The following RHPN1 variants were observed in gnomAD, a reference collection of about 807,000 sequenced individuals.
RHPN1 encodes the protein rhophilin Rho GTPase binding protein 1.
A neutral mutation model predicts 74.7 loss-of-function variants in RHPN1; 77 were observed. The ratio of observed to expected loss-of-function variants is 1.03; its 90% CI spans 0.86 to 1.25. The LOEUF (loss-of-function observed/expected upper bound fraction) is 1.25. Ranked by LOEUF, RHPN1 falls within the 50% of genes most tolerant of loss-of-function variation. The probability of loss-of-function intolerance (pLI) is 0.00; values close to 1 mark genes in which losing one functional copy is unlikely to be tolerated. For synonymous variants in RHPN1, 444 were observed against 414.5 expected, an observed-to-expected ratio of 1.07 and a Z score of -0.87; for missense variants, 987 against 932.2, an observed-to-expected ratio of 1.06 and a Z score of -0.77.
Position 143,382,737 on chromosome 8 carries a change from C to A in RHPN1, c.*86C>A. The A allele has an allele frequency of 8.6e-7, 1 of 1,159,358 alleles. No homozygotes were observed. The highest frequency in any genetic ancestry group is 1.2e-6 in the Non-Finnish European group (1 of 819,868). The allele number at this position is 1,159,358 out of a possible 1,614,324, so 71.8% of individuals were successfully genotyped here. A position where few individuals can be genotyped will look rare whatever the true frequency, so the allele number is the denominator to read the frequency against. On this transcript the variant is annotated 3_prime_UTR_variant, in exon 15 of 15. Transcript: ENST00000289013. ...CCTCCCCACCCAGAGGACCTCCGGG[C>A]AATGCCTGTCCCGCCTCATGCTGGA...
chr8:143,382,728 ACCTCCGGGCAATGCCTGTCCCG>A lies in RHPN1; in HGVS notation c.*82_*103del. ...CGAGCATGCCCTCCCCACCCAGAGGACCTCCGGGCAATGCCTGTCCCGCCTCATGCTGGAGGCTGCCTCGGGC... is the reference window on the plus strand; with the variant it reads ...CGAGCATGCCCTCCCCACCCAGAGGACCTCATGCTGGAGGCTGCCTCGGGC... On this transcript the variant is annotated 3_prime_UTR_variant, in exon 15 of 15. Coordinates refer to ENST00000289013, the MANE Select transcript of RHPN1 (RefSeq NM_052924.3). 1 of 1,269,566 alleles carries A rather than the reference ACCTCCGGGCAATGCCTGTCCCG, an allele frequency of 7.9e-7. No homozygotes were observed. The highest frequency in any genetic ancestry group is 1.1e-6 in the Non-Finnish European group (1 of 917,722). 78.6% of individuals were successfully genotyped at this position (1,269,566 alleles called of 1,614,324 possible). A position where few individuals can be genotyped will look rare whatever the true frequency, so the allele number is the denominator to read the frequency against.
chr8:143,380,315 C>T lies in RHPN1; in HGVS notation c.1216+140C>T, dbSNP rs1818626368. On this transcript the variant is annotated intron_variant, in intron 10 of 14. Transcript: ENST00000289013. ...GGCCACCTACCTATCCCTGGATGGC[C>T]TGTGCCTGATGGGTGACGGCCCAGC... is the stretch of plus-strand genomic sequence containing the variant. The T allele has an allele frequency of 1.2e-5, 9 of 721,268 alleles. No individual in the cohort carries two copies. The South Asian group carries it at 1.7e-4, about 14-fold the overall frequency. The allele number at this position is 721,268 out of a possible 1,614,324, so 44.7% of individuals were successfully genotyped here. A position where few individuals can be genotyped will look rare whatever the true frequency, so the allele number is the denominator to read the frequency against.
At chr8:143,372,309 G>T (rs1817881149) in intron 1 of RHPN1, among the ~76,000 whole-genome samples, 1 of 151,842 alleles carries the variant, frequency 6.6e-6, no homozygotes, top group African/African-American at 2.4e-5. Flanking sequence ...AGGGATGGGA[G>T]GCGGGGGTGG....
intron 7 of RHPN1, 116 bp from the exon 8 acceptor site, chr8:143,379,199 C>T: frequency 7.3e-7 from 1 of 1,375,424 alleles, no homozygotes; most frequent in Admixed American, 2.7e-5. Context: ...GGGGAGTGAG[C>T]ACATCAGGTC....
intron 1 of RHPN1, among the ~76,000 whole-genome samples, chr8:143,370,374 C>T (rs879336109): frequency 7.2e-5 from 11 of 152,170 alleles, no homozygotes; most frequent in East Asian, 1.9e-4. Flanking sequence ...CTGTGTCACA[C>T]GCGCACCACT....
intron 1 of RHPN1, chr8:143,374,405 G>A: frequency 1.3e-6 from 1 of 796,032 alleles, no homozygotes; most frequent in Non-Finnish European, 1.5e-6. Context: ...GCCACCAGAG[G>A]CCTTGTCTTG....
chr8:143,381,434 T>A, intron 12 of RHPN1, 90 bp downstream of exon 12: 1 of 1,455,158 alleles, frequency 6.9e-7, no homozygotes, highest in South Asian at 1.3e-5. Context: ...AGGCCATTGA[T>A]GGTGGTCCAG....
At chr8:143,370,782 C>G (rs1034397195) in intron 1 of RHPN1, among the ~76,000 whole-genome samples, 3 of 152,216 alleles carry the variant, frequency 2.0e-5, no homozygotes, top group Non-Finnish European at 4.4e-5. Context: ...ACCCAGCTGC[C>G]GTCCCTCCCG....
Position 143,378,357 on chromosome 8 carries a change from C to CGGGGGGGGGGGGCGG in RHPN1, c.459+11_459+12insGGGGGGGGGGGGCGG. ...GAGGCCCTGCGGCAGGTGTGTGGTTCCCCCGCCCACCCACCCTCCTGCAGC... is the reference window on the plus strand; with the variant it reads ...GAGGCCCTGCGGCAGGTGTGTGGTTCGGGGGGGGGGGGCGGCCCCGCCCACCCACCCTCCTGCAGC... On this transcript the variant is annotated intron_variant, in intron 5 of 14. Coordinates refer to ENST00000289013, the MANE Select transcript of RHPN1 (RefSeq NM_052924.3). 2.6e-6 allele frequency: 4 copies of CGGGGGGGGGGGGCGG among 1,520,920 alleles called. No homozygotes were observed. Among genetic ancestry groups the CGGGGGGGGGGGGCGG allele is most frequent in the Non-Finnish European group, 3.5e-6 (4 of 1,127,140 alleles). 94.2% of individuals were successfully genotyped at this position (1,520,920 alleles called of 1,614,324 possible). A position where few individuals can be genotyped will look rare whatever the true frequency, so the allele number is the denominator to read the frequency against.
intron 1 of RHPN1, 27 bp downstream of exon 1, chr8:143,369,074 A>T: frequency 6.9e-7 from 1 of 1,454,148 alleles, no homozygotes; most frequent in Non-Finnish European, 9.0e-7. Context: ...CGGCGGCGGG[A>T]GGAGGGGCCC....
At chr8:143,374,726 C>T (rs1267492720) in intron 1 of RHPN1, among the ~76,000 whole-genome samples, 1 of 152,202 alleles carries the variant, frequency 6.6e-6, no homozygotes, top group African/African-American at 2.4e-5. Context: ...ATCATGTGGG[C>T]AGGACCCCAA....
intron 1 of RHPN1, among the ~76,000 whole-genome samples, chr8:143,372,254 G>A (rs1433156120): frequency 6.6e-6 from 1 of 150,872 alleles, no homozygotes; most frequent in Non-Finnish European, 1.5e-5. Context: ...GGTCTCCTAG[G>A]TACTGGGCAG....
intron 1 of RHPN1, among the ~76,000 whole-genome samples, chr8:143,372,737 G>A (rs1430057863): frequency 6.6e-6 from 1 of 150,950 alleles, no homozygotes; most frequent in Non-Finnish European, 1.5e-5. Context: ...CCAGGGGATG[G>A]TGCGGGTGTC....
At position 143,381,356 on chromosome 8, in the gene RHPN1, C is replaced by G; in HGVS notation, c.1488+12C>G. 1.2e-6 allele frequency: 2 copies of G among 1,600,874 alleles called. No homozygotes were observed. The highest frequency in any genetic ancestry group is 1.7e-6 in the Non-Finnish European group (2 of 1,174,042). The stretch of plus-strand genomic sequence containing the variant: ...TCTTCCATCGGCTGGTGAGCACACC[C>G]GTCCCCAGGCACCGCCCAGCATGGG... On this transcript the variant is annotated intron_variant, in intron 12 of 14. Coordinates refer to ENST00000289013, the MANE Select transcript of RHPN1 (RefSeq NM_052924.3).
rs1227588924 is a variant in RHPN1 at position 143,380,582 on chromosome 8, C to T, written c.1217-7C>T. 7 of 1,490,264 alleles carry T rather than the reference C, an allele frequency of 4.7e-6. No individual in the cohort carries two copies. The highest frequency in any genetic ancestry group is 2.2e-5 in the Admixed American group (1 of 44,510). 92.3% of individuals were successfully genotyped at this position (1,490,264 alleles called of 1,614,324 possible). A position where few individuals can be genotyped will look rare whatever the true frequency, so the allele number is the denominator to read the frequency against. ...TGGTGTGTGACATCCCAGTGCCCCG[C>T]GTGCAGGCAAGGCACACCTGAAGCG... On this transcript the variant is annotated splice_region_variant and splice_polypyrimidine_tract_variant and intron_variant, in intron 10 of 14. Coordinates refer to ENST00000289013, the MANE Select transcript of RHPN1 (RefSeq NM_052924.3).
In RHPN1 at chr8:143,377,377, C is replaced by G; in HGVS notation, c.306-3C>G. ...AGTCTGAAGTCGATGCTTCTGGTTACAGCGAAGCTGTCACTGTCCCCATGA... is the reference window on the plus strand; with the variant it reads ...AGTCTGAAGTCGATGCTTCTGGTTAGAGCGAAGCTGTCACTGTCCCCATGA... On this transcript the variant is annotated splice_polypyrimidine_tract_variant and splice_region_variant and intron_variant, in intron 3 of 14. Transcript: ENST00000289013. 1 of 1,612,394 alleles carries G rather than the reference C, an allele frequency of 6.2e-7. No homozygotes were observed. The highest frequency in any genetic ancestry group is 1.3e-5 in the African/African-American group (1 of 74,954).
At chr8:143,382,222 C>T (rs1007764582) in intron 14 of RHPN1, among the ~76,000 whole-genome samples, 1 of 152,194 alleles carries the variant, frequency 6.6e-6, no homozygotes. Flanking sequence ...CTGGGCCAGG[C>T]GCTCCATCCC....
chr8:143,369,103 T>C, intron 1 of RHPN1, 56 bp downstream of exon 1: 1 of 1,358,826 alleles, frequency 7.4e-7, no homozygotes, highest in South Asian at 1.5e-5. Context: ...GGCCTTTTCC[T>C]GCCCCCCCTC....
Position 143,372,199 on chromosome 8 carries a change from G to A in RHPN1, c.60+3152G>A, listed in dbSNP as rs559451965. ...CTTAAAGCTGCTGGAGCCTTGCAGCGGGGCCTTTGCGGGGAGGGGGTGTAG... is the reference window on the plus strand; with the variant it reads ...CTTAAAGCTGCTGGAGCCTTGCAGCAGGGCCTTTGCGGGGAGGGGGTGTAG... On this transcript the variant is annotated intron_variant, in intron 1 of 14. Transcript: ENST00000289013. Among the ~76,000 whole-genome samples, 6 of 152,242 alleles carry A rather than the reference G, an allele frequency of 3.9e-5. No homozygotes were observed. The South Asian group carries it at 1.0e-3, about 26-fold the overall frequency.
Sources: allele counts gnomAD v4.1 joint callset (sites outside exome capture counted in the v4.1 genomes callset), GRCh38; gene constraint gnomAD v4.1.1; transcripts MANE v1.5; gene names NCBI Gene and HGNC (gene_info 2026-07-23, HGNC 2026-07-21).